The following ZNF609 variants were observed in gnomAD, a reference collection of about 807,000 sequenced individuals.
ZNF609 encodes the protein zinc finger protein 609.
A neutral mutation model predicts 109.5 loss-of-function variants in ZNF609; 11 were observed. The observed-to-expected ratio is 0.10, with a 90% CI of 0.06 to 0.17. The LOEUF (loss-of-function observed/expected upper bound fraction) is 0.17. Among genes scored for constraint, ZNF609 ranks in the 10% least tolerant of loss-of-function variants. The pLI is 1.00. For synonymous variants in ZNF609, 646 were observed against 662.0 expected (o/e 0.98, Z 0.37); for missense variants, 1,559 against 1,772.4 (o/e 0.88, Z 2.16).
chr15:64,657,745 A>G (rs1648207822), intron 3 of ZNF609, among the ~76,000 whole-genome samples: 1 of 152,182 alleles, frequency 6.6e-6, no homozygotes, highest in African/African-American at 2.4e-5. Context: ...GTTAATGAGG[A>G]CTTAGACTCT....
chr15:64,545,922 C>G (rs1400495090), intron 2 of ZNF609, among the ~76,000 whole-genome samples: 1 of 152,166 alleles, frequency 6.6e-6, no homozygotes, highest in Non-Finnish European at 1.5e-5. Context: ...CCAGTTGGAT[C>G]ATTTCCAACT....
intron 4 of ZNF609, among the ~76,000 whole-genome samples, chr15:64,672,720 C>T (rs1402669806): frequency 6.6e-6 from 1 of 151,224 alleles, no homozygotes; most frequent in African/African-American, 2.4e-5. Flanking sequence ...AATCTCAGCA[C>T]TTTGGGAGGC....
intron 3 of ZNF609, among the ~76,000 whole-genome samples, chr15:64,657,594 C>G (rs1046404295): frequency 1.3e-5 from 2 of 152,008 alleles, no homozygotes; most frequent in African/African-American, 4.8e-5. Flanking sequence ...AGCCTGGCGA[C>G]AGAGGGAGAC....
chr15:64,647,127 C>A (rs1595751512), intron 3 of ZNF609, among the ~76,000 whole-genome samples: 2 of 147,182 alleles, frequency 1.4e-5, no homozygotes, highest in East Asian at 3.3e-4. Context: ...CAGAGTGAGA[C>A]CCTGTCTCCA....
chr15:64,564,227 A>T (rs1894738030), intron 2 of ZNF609, among the ~76,000 whole-genome samples: 1 of 151,892 alleles, frequency 6.6e-6, no homozygotes, highest in Admixed American at 6.6e-5. Flanking sequence ...AAAACAGTTT[A>T]TGTAAGGTTA....
Position 64,674,470 on chromosome 15 carries a change from C to T in ZNF609, c.1616C>T (p.Pro539Leu). The T allele has an allele frequency of 6.2e-7, 1 of 1,614,184 alleles. No individual in the cohort carries two copies. The highest frequency in any genetic ancestry group is 8.5e-7 in the Non-Finnish European group (1 of 1,180,044). The change falls in exon 5 of 10, where the codon CCT (proline) becomes CTT (leucine). Residue 539 changes from proline (P) to leucine (L), a missense_variant. Physicochemically the swap from Pro to Leu is moderately conservative, Grantham distance 98. This residue lies in a region of ZNF609 where 1,204 missense variants were observed against 1,314.1 expected (regional missense o/e 0.92). Coordinates refer to ENST00000326648, the MANE Select transcript of ZNF609 (RefSeq NM_015042.2). ...ADGDSEYGEEPILHADLGSCN... is the reference protein window; with the variant it reads ...ADGDSEYGEELILHADLGSCN... ...GGGGACAGTGAGTACGGAGAGGAACCTATTCTCCATGCAGATCTTGGGAGC... is the reference window on the plus strand; with the variant it reads ...GGGGACAGTGAGTACGGAGAGGAACTTATTCTCCATGCAGATCTTGGGAGC...
intron 2 of ZNF609, among the ~76,000 whole-genome samples, chr15:64,522,489 A>G (rs1834550914): frequency 6.6e-6 from 1 of 152,150 alleles, no homozygotes; most frequent in Admixed American, 6.5e-5. Flanking sequence ...AATTGATGTG[A>G]TCTCACCCTG....
chr15:64,475,727 A>C, intron 1 of ZNF609, among the ~76,000 whole-genome samples: 1 of 151,802 alleles, frequency 6.6e-6, no homozygotes, highest in East Asian at 1.9e-4. Context: ...TTGTGAATAT[A>C]TTTTCTTCAT....
intron 2 of ZNF609, chr15:64,529,740 ACT>A: frequency 1.7e-6 from 1 of 591,590 alleles, no homozygotes; most frequent in South Asian, 1.6e-5. Context: ...AGGAGCAGAG[ACT>A]TTTTTGAGAC....
intron 2 of ZNF609, among the ~76,000 whole-genome samples, chr15:64,518,946 A>G (rs1407679250): frequency 6.6e-6 from 1 of 152,056 alleles, no homozygotes; most frequent in East Asian, 1.9e-4. Flanking sequence ...ATGTAAGCAA[A>G]ATAGATTTGG....
intron 1 of ZNF609, among the ~76,000 whole-genome samples, chr15:64,472,103 G>T (rs1328820590): frequency 1.3e-5 from 2 of 151,022 alleles, no homozygotes; most frequent in African/African-American, 2.4e-5. Context: ...GTAGAGATGG[G>T]GTTTCCCCAT....
At chr15:64,466,691 T>C (rs540235944) in intron 1 of ZNF609, among the ~76,000 whole-genome samples, 16 of 152,372 alleles carry the variant, frequency 1.1e-4, no homozygotes, top group Non-Finnish European at 1.8e-4. Context: ...TGTCAAGTTC[T>C]TGATTTCCTC....
chr15:64,614,075 G>A lies in ZNF609; in HGVS notation c.748-8752G>A, dbSNP rs748168175. 3.3e-5 allele frequency among the ~76,000 whole-genome samples: 5 copies of A among 150,126 alleles called. No homozygotes were observed. The East Asian group carries it at 7.9e-4, about 24-fold the overall frequency. On this transcript the variant is annotated intron_variant, in intron 2 of 9. Coordinates refer to ENST00000326648, the MANE Select transcript of ZNF609 (RefSeq NM_015042.2). Reference sequence around the variant, plus strand: ...TGGCATTAAAGGCACCCACCACCACGCCTGACTAATTTTTTTTGTATTTTT... The same window carrying A: ...TGGCATTAAAGGCACCCACCACCACACCTGACTAATTTTTTTTGTATTTTT...
intron 2 of ZNF609, among the ~76,000 whole-genome samples, chr15:64,573,346 CTTTTTTTTTTTTT>C (rs71133442): frequency 0.058 from 4,262 of 73,060 alleles, 137 homozygotes; most frequent in Middle Eastern, 0.14. Flanking sequence ...GCCCAACTTT[CTTTTTTTTTTTTT>C]TTTTTTTTTT....
Position 64,678,185 on chromosome 15 carries a change from C to T in ZNF609, c.3472C>T (p.Arg1158Trp), listed in dbSNP as rs772055578. 4.3e-6 allele frequency: 7 copies of T among 1,614,066 alleles called. No individual in the cohort carries two copies. The highest frequency in any genetic ancestry group is 3.3e-4 in the Middle Eastern group (2 of 6,062). ...CTCAGACATCAAGTCAGAGGATGAGCGGTGGAAGGAGGAGCGGGACCGCAA... is the reference window on the plus strand; with the variant it reads ...CTCAGACATCAAGTCAGAGGATGAGTGGTGGAAGGAGGAGCGGGACCGCAA... ...KYSDIKSEDERWKEERDRKLK... is the reference protein window; with the variant it reads ...KYSDIKSEDEWWKEERDRKLK... The change falls in exon 6 of 10, where the codon CGG becomes TGG. Residue 1158 changes from arginine (R) to tryptophan (W), a missense_variant. Physicochemically the swap from Arg to Trp is moderately radical, Grantham distance 101. Around this residue, in one of 4 missense-constraint regions of ZNF609, gnomAD observed 1,204 missense variants for 1,314.1 expected, o/e 0.92. Transcript: ENST00000326648.
intron 3 of ZNF609, among the ~76,000 whole-genome samples, chr15:64,634,656 C>T (rs1332138698): frequency 6.6e-6 from 1 of 152,176 alleles, no homozygotes; most frequent in Non-Finnish European, 1.5e-5. Context: ...CCAGGCAGTA[C>T]TCACCTAGAG....
chr15:64,492,354 A>G (rs1236893479), intron 1 of ZNF609, among the ~76,000 whole-genome samples: 1 of 152,136 alleles, frequency 6.6e-6, no homozygotes, highest in African/African-American at 2.4e-5. Flanking sequence ...CTTTCATAGA[A>G]CTCAAATGGG....
rs1896836744 is a variant in ZNF609 at position 64,678,364 on chromosome 15, A to C, written c.3651A>C (p.Pro1217=). The C allele has an allele frequency of 6.2e-7, 1 of 1,614,018 alleles. No homozygotes were observed. The highest frequency in any genetic ancestry group is 1.1e-5 in the South Asian group (1 of 91,080). ...RPSVHVPVSS[P]LTQHQSYIPY... ...GTGTCCATGTGCCTGTGTCCTCCCC[A>C]CTTACCCAGCACCAGTCCTACATCC... is the stretch of plus-strand genomic sequence containing the variant. The change falls in exon 6 of 10, where the codon CCA becomes CCC. Residue 1217 remains proline, a synonymous_variant. Transcript: ENST00000326648.
rs574580732 is a variant in ZNF609, at chr15:64,556,849, A to G, written c.747+56683A>G. On this transcript the variant is annotated intron_variant, in intron 2 of 9. Coordinates refer to ENST00000326648, the MANE Select transcript of ZNF609 (RefSeq NM_015042.2). ...ATACTTAGTTATCAGTATTTGAGGG[A>G]ATTTCAAAATATTATTTATATCCTA... is the stretch of plus-strand genomic sequence containing the variant. Among the ~76,000 whole-genome samples, 5 of 152,238 alleles carry G rather than the reference A, an allele frequency of 3.3e-5. No homozygotes were observed. The East Asian group carries it at 5.8e-4, about 18-fold the overall frequency.
Sources: allele counts gnomAD v4.1 joint callset (sites outside exome capture counted in the v4.1 genomes callset), GRCh38; gene constraint gnomAD v4.1.1; regional missense constraint gnomAD v4.1.1; transcripts MANE v1.5; gene names NCBI Gene and HGNC (gene_info 2026-07-23, HGNC 2026-07-21).